ADAMTSL1: variants seen among roughly 807,000 people sequenced by gnomAD.
ADAMTSL1 encodes ADAMTS like 1.
A neutral mutation model predicts 201.8 loss-of-function variants in ADAMTSL1; 126 were observed. That is an observed-to-expected ratio of 0.62 (90% confidence interval 0.54 to 0.72). The LOEUF (loss-of-function observed/expected upper bound fraction) is 0.72. ADAMTSL1 is among the 30% of genes least tolerant of loss of function. The probability of loss-of-function intolerance (pLI) is 0.00; values close to 1 mark genes in which losing one functional copy is unlikely to be tolerated. For synonymous variants in ADAMTSL1, 1,121 were observed against 903.4 expected (o/e 1.24, Z -4.32); for missense variants, 2,679 against 2,277.8 (o/e 1.18, Z -3.59).
chr9:18,135,459 C>T lies in ADAMTSL1; in HGVS notation c.88-28403C>T, dbSNP rs543908348. ...AAGGAAGGAGGGCATATTTTACTAG[C>T]CACAAGGTGGACAGTTACCACATCC... On this transcript the variant is annotated intron_variant, in intron 1 of 29. Coordinates refer to the ADAMTSL1 transcript ENST00000680146. Among the ~76,000 whole-genome samples, 293 of 152,170 alleles carry T rather than the reference C, an allele frequency of 1.9e-3. 2 individuals carry two copies. Among genetic ancestry groups the T allele is most frequent in the African/African-American group, 6.9e-3 (285 of 41,524 alleles).
At chr9:17,939,397 T>C (rs145444302) in intron 1 of ADAMTSL1, among the ~76,000 whole-genome samples, 9 of 152,218 alleles carry the variant, frequency 5.9e-5, no homozygotes, top group Admixed American at 2.6e-4. Context: ...CTACCATTTT[T>C]TTTGGGTCAT....
intron 20 of ADAMTSL1, among the ~76,000 whole-genome samples, chr9:18,799,069 T>A (rs1306291682): frequency 2.0e-5 from 3 of 152,118 alleles, no homozygotes; most frequent in Non-Finnish European, 2.9e-5. Flanking sequence ...CCTACCTCCC[T>A]GGAACAGCCC....
At chr9:18,310,954 C>A (rs377499350) in intron 2 of ADAMTSL1, among the ~76,000 whole-genome samples, 1 of 152,086 alleles carries the variant, frequency 6.6e-6, no homozygotes, top group Non-Finnish European at 1.5e-5. Flanking sequence ...GGAACCAACC[C>A]AAATGCCCAT....
intron 1 of ADAMTSL1, among the ~76,000 whole-genome samples, chr9:18,140,139 T>TA (rs1826336388): frequency 6.6e-6 from 1 of 152,142 alleles, no homozygotes; most frequent in Non-Finnish European, 1.5e-5. Flanking sequence ...AGCCTACTCT[T>TA]AAAGAATTTA....
chr9:18,261,687 T>A (rs1425324582), intron 2 of ADAMTSL1, among the ~76,000 whole-genome samples: 1 of 152,218 alleles, frequency 6.6e-6, no homozygotes, highest in Non-Finnish European at 1.5e-5. Context: ...ATTCCTTGAA[T>A]AGCTGTTGTC....
chr9:18,501,406 G>GT (rs1393458337), intron 1 of ADAMTSL1, among the ~76,000 whole-genome samples: 1 of 150,336 alleles, frequency 6.7e-6, no homozygotes, highest in Non-Finnish European at 1.5e-5. Flanking sequence ...AGCTACTCAA[G>GT]AGGCTGAGGC....
At chr9:18,780,570 T>A (rs896361969) in intron 19 of ADAMTSL1, among the ~76,000 whole-genome samples, 8 of 152,144 alleles carry the variant, frequency 5.3e-5, no homozygotes, top group Non-Finnish European at 1.0e-4. Context: ...AATTCAAATA[T>A]CTAAATCTAT....
At chr9:18,241,597 T>A (rs1831065607) in intron 2 of ADAMTSL1, among the ~76,000 whole-genome samples, 1 of 152,112 alleles carries the variant, frequency 6.6e-6, no homozygotes, top group African/African-American at 2.4e-5. Context: ...TAACATGATG[T>A]TATAAGACAT....
chr9:18,215,451 A>G (rs909334552), intron 2 of ADAMTSL1, among the ~76,000 whole-genome samples: 1 of 152,230 alleles, frequency 6.6e-6, no homozygotes, highest in Non-Finnish European at 1.5e-5. Flanking sequence ...TATGAGTTAT[A>G]TATGTGTTTA....
At chr9:18,582,447 A>G (rs1231551343) in intron 4 of ADAMTSL1, among the ~76,000 whole-genome samples, 1 of 152,238 alleles carries the variant, frequency 6.6e-6, no homozygotes, top group Non-Finnish European at 1.5e-5. Context: ...CAATTCCCAC[A>G]TGTTGTGGGA....
chr9:17,926,922 C>T (rs541038431), intron 1 of ADAMTSL1, among the ~76,000 whole-genome samples: 1 of 152,182 alleles, frequency 6.6e-6, no homozygotes, highest in Non-Finnish European at 1.5e-5. Flanking sequence ...CACAATTGAC[C>T]ATCATGACCA....
intron 23 of ADAMTSL1, among the ~76,000 whole-genome samples, chr9:18,872,408 G>A (rs915626662): frequency 2.0e-5 from 3 of 152,136 alleles, no homozygotes; most frequent in Non-Finnish European, 4.4e-5. Context: ...TCAGTGGCCT[G>A]ATTTCTGAGA....
intron 2 of ADAMTSL1, among the ~76,000 whole-genome samples, chr9:18,328,564 C>T (rs1317466767): frequency 3.9e-5 from 6 of 152,108 alleles, no homozygotes; most frequent in Non-Finnish European, 1.5e-5. Context: ...GAAACATACC[C>T]AGAAGGGATA....
intron 2 of ADAMTSL1, among the ~76,000 whole-genome samples, chr9:18,266,059 A>G (rs1832106779): frequency 6.6e-6 from 1 of 152,228 alleles, no homozygotes; most frequent in Admixed American, 6.5e-5. Context: ...TTTAAAATTT[A>G]AATTTATAAA....
chr9:18,038,709 C>T (rs1015578286), intron 1 of ADAMTSL1, among the ~76,000 whole-genome samples: 1 of 152,188 alleles, frequency 6.6e-6, no homozygotes, highest in Non-Finnish European at 1.5e-5. Flanking sequence ...TATTTCTCAG[C>T]TGTCTGTCTT....
chr9:18,418,826 A>T (rs1307100079), intron 2 of ADAMTSL1, among the ~76,000 whole-genome samples: 1 of 152,238 alleles, frequency 6.6e-6, no homozygotes, highest in Non-Finnish European at 1.5e-5. Context: ...GATATTCTGT[A>T]TAGACACAAT....
chr9:18,084,385 G>A (rs1413331705), intron 1 of ADAMTSL1, among the ~76,000 whole-genome samples: 6 of 152,092 alleles, frequency 3.9e-5, no homozygotes, highest in East Asian at 1.9e-4. Context: ...AGCTGGGCGC[G>A]GTGGTGTGCA....
At chr9:18,411,065 T>C (rs1367347864) in intron 2 of ADAMTSL1, among the ~76,000 whole-genome samples, 2 of 151,512 alleles carry the variant, frequency 1.3e-5, no homozygotes, top group South Asian at 2.1e-4. Context: ...CGTTTCACCA[T>C]GTTGGCCAGG....
intron 2 of ADAMTSL1, among the ~76,000 whole-genome samples, chr9:18,237,672 C>T (rs752633103): frequency 6.6e-6 from 1 of 152,296 alleles, no homozygotes; most frequent in African/African-American, 2.4e-5. Context: ...TTTAGAAAAA[C>T]TTAAGTAGTC....
Sources: allele counts gnomAD v4.1 joint callset (sites outside exome capture counted in the v4.1 genomes callset), GRCh38; gene constraint gnomAD v4.1.1; transcripts MANE v1.5; gene names NCBI Gene and HGNC (gene_info 2026-07-23, HGNC 2026-07-21).